The following GPC5 variants were observed in gnomAD, a reference collection of about 807,000 sequenced individuals.
GPC5 encodes glypican-5.
A neutral mutation model predicts 53.9 loss-of-function variants in GPC5; 47 were observed. That is an observed-to-expected ratio of 0.87 (90% CI 0.69 to 1.11). The LOEUF is 1.11. GPC5 is among the 50% of genes most tolerant of loss of function. The pLI is 0.00. For synonymous variants in GPC5, 286 were observed against 263.3 expected (o/e 1.09, Z -0.84); for missense variants, 748 against 713.1 (o/e 1.05, Z -0.56).
At chr13:91,532,296 C>T (rs994996866) in intron 2 of GPC5, among the ~76,000 whole-genome samples, 1 of 152,152 alleles carries the variant, frequency 6.6e-6, no homozygotes, top group Admixed American at 6.5e-5. Flanking sequence ...GCTCCCAGAT[C>T]AGTCAGCCGA....
chr13:91,398,876 G>C lies in GPC5; in HGVS notation c.-171G>C. 1 of 695,844 alleles carries C rather than the reference G, an allele frequency of 1.4e-6. No individual in the cohort carries two copies. 43.1% of individuals were successfully genotyped at this position (695,844 alleles called of 1,614,324 possible). On this transcript the variant is annotated 5_prime_UTR_variant, in exon 1 of 8. Coordinates refer to ENST00000377067, the MANE Select transcript of GPC5 (RefSeq NM_004466.6). ...CTCAGCTTAGGGCCTCCTCCGGGAA[G>C]AGCTAACTGCTCCCAGGTGAAGCCG...
chr13:92,825,682 A>T (rs1566434361), intron 7 of GPC5, among the ~76,000 whole-genome samples: 1 of 152,284 alleles, frequency 6.6e-6, no homozygotes, highest in East Asian at 1.9e-4. Context: ...TATTTAATTC[A>T]TTATATTCTC....
chr13:92,739,040 A>G (rs1016409729), intron 7 of GPC5, among the ~76,000 whole-genome samples: 1 of 152,112 alleles, frequency 6.6e-6, no homozygotes, highest in Non-Finnish European at 1.5e-5. Context: ...GCTGGCTATA[A>G]TCAATTTTCG....
At chr13:92,602,231 AACATATAT>A (rs1884091912) in intron 7 of GPC5, among the ~76,000 whole-genome samples, 2 of 4,968 alleles carry the variant, frequency 4.0e-4, no homozygotes, top group African/African-American at 5.1e-4. Context: ...ATATATATAT[AACATATAT>A]ATATATATAT....
chr13:92,032,396 G>A (rs11839178), intron 6 of GPC5, among the ~76,000 whole-genome samples: 63,371 of 150,494 alleles, frequency 0.42, 13,872 homozygotes, highest in Admixed American at 0.51. Context: ...GAACTGACTC[G>A]TGTAACCAAA....
intron 5 of GPC5, among the ~76,000 whole-genome samples, chr13:91,791,678 G>GTTTAATTACATCAACAATTAC: frequency 6.6e-6 from 1 of 151,502 alleles, no homozygotes; most frequent in Non-Finnish European, 1.5e-5. Context: ...ACAATTGTAT[G>GTTTAATTACATCAACAATTAC]AGGCAGCTCT....
chr13:92,771,210 A>C (rs1875600651), intron 7 of GPC5, among the ~76,000 whole-genome samples: 1 of 152,118 alleles, frequency 6.6e-6, no homozygotes, highest in Non-Finnish European at 1.5e-5. Flanking sequence ...GGGAGTGAGA[A>C]GAGCTTCCTT....
chr13:91,452,681 T>A (rs1230655926), intron 2 of GPC5, among the ~76,000 whole-genome samples: 1 of 152,108 alleles, frequency 6.6e-6, no homozygotes, highest in Non-Finnish European at 1.5e-5. Flanking sequence ...TGGAGAGTCA[T>A]CTTCTGTAAA....
intron 7 of GPC5, among the ~76,000 whole-genome samples, chr13:92,786,919 C>G (rs1304049021): frequency 6.6e-6 from 1 of 152,154 alleles, no homozygotes; most frequent in Non-Finnish European, 1.5e-5. Flanking sequence ...GATCCAGGCT[C>G]CCCTGGAAGG....
At chr13:91,482,842 A>G (rs538942955) in intron 2 of GPC5, among the ~76,000 whole-genome samples, 27 of 147,558 alleles carry the variant, frequency 1.8e-4, no homozygotes, top group African/African-American at 6.5e-4. Context: ...GCTTTTCGTG[A>G]CTCTTGCATA....
At chr13:92,684,190 T>G (rs1266056860) in intron 7 of GPC5, among the ~76,000 whole-genome samples, 1 of 152,220 alleles carries the variant, frequency 6.6e-6, no homozygotes, top group African/African-American at 2.4e-5. Flanking sequence ...GCTTTCATAT[T>G]GGCTTCTTTC....
At chr13:91,867,678 C>A in intron 5 of GPC5, among the ~76,000 whole-genome samples, 1 of 152,060 alleles carries the variant, frequency 6.6e-6, no homozygotes. Flanking sequence ...TAGAATTAAG[C>A]CAGAGTGCTT....
rs564571044 is a variant in GPC5, at chr13:92,142,659, T to C, written c.1402-2171T>C. ...AGTTTGGTTTTAAAAATCAATTATC[T>C]TTCTGTTTGTGTTTTTGAGTTCATT... On this transcript the variant is annotated intron_variant, in intron 6 of 7. Transcript: ENST00000377067. Among the ~76,000 whole-genome samples the C allele has an allele frequency of 4.6e-5, 7 of 152,316 alleles. No individual in the cohort carries two copies. The East Asian group carries it at 1.2e-3, about 25-fold the overall frequency.
chr13:92,665,391 G>A lies in GPC5; in HGVS notation c.1562-200891G>A, dbSNP rs201194806. ...AAAATAGAGGCTAATCCCACATCCCGGAAGTGTCAAACCAAGGACTAGAAT... is the reference window on the plus strand; with the variant it reads ...AAAATAGAGGCTAATCCCACATCCCAGAAGTGTCAAACCAAGGACTAGAAT... On this transcript the variant is annotated intron_variant, in intron 7 of 7. Transcript: ENST00000377067. Among the ~76,000 whole-genome samples the A allele has an allele frequency of 7.2e-5, 11 of 152,094 alleles. No homozygotes were observed. The East Asian group carries it at 1.7e-3, about 24-fold the overall frequency.
intron 7 of GPC5, among the ~76,000 whole-genome samples, chr13:92,493,723 T>C (rs552989979): frequency 1.3e-5 from 2 of 152,296 alleles, no homozygotes; most frequent in African/African-American, 4.8e-5. Context: ...GGCATTGTAA[T>C]TGAGACTTCA....
chr13:92,198,656 G>A (rs2042273607), intron 7 of GPC5, among the ~76,000 whole-genome samples: 1 of 152,160 alleles, frequency 6.6e-6, no homozygotes, highest in African/African-American at 2.4e-5. Flanking sequence ...CAGCTGTCTA[G>A]CCTTTGAAGC....
chr13:92,126,846 GTGTGTGCATT>G (rs201782398), intron 6 of GPC5, among the ~76,000 whole-genome samples: 9,254 of 152,002 alleles, frequency 0.061, 378 homozygotes, highest in Non-Finnish European at 0.095. Flanking sequence ...ATGTATGCAT[GTGTGTGCATT>G]TGTGTGTATG....
At chr13:91,700,224 G>C (rs1240890736) in intron 3 of GPC5, among the ~76,000 whole-genome samples, 1 of 152,144 alleles carries the variant, frequency 6.6e-6, no homozygotes, top group Non-Finnish European at 1.5e-5. Context: ...GGCTAATGAA[G>C]ACTCATGTAC....
rs35873316 is a variant in GPC5 at position 92,398,428 on chromosome 13, CAAAAA to C, written c.1561+253457_1561+253461del. 4.3e-3 allele frequency among the ~76,000 whole-genome samples: 373 copies of C among 87,652 alleles called. 3 individuals are homozygous for C. The highest frequency in any genetic ancestry group is 0.017 in the African/African-American group (339 of 19,682). The allele number at this position is 87,652 out of a possible 152,430, so 57.5% of individuals were successfully genotyped here. On this transcript the variant is annotated intron_variant, in intron 7 of 7. Coordinates refer to ENST00000377067, the MANE Select transcript of GPC5 (RefSeq NM_004466.6). ...TGGGCGACAGAGCGAGACTCCGTCT[CAAAAA>C]AAAAAAAAAAAAAAAAATTATTCCA... is the stretch of plus-strand genomic sequence containing the variant.
Sources: gnomAD v4.1 joint callset for allele counts (sites outside exome capture counted in the v4.1 genomes callset) on GRCh38, gnomAD v4.1.1 for gene constraint, MANE v1.5 for transcripts, NCBI Gene and HGNC (gene_info 2026-07-23, HGNC 2026-07-21) for gene names.